The following HK1 variants were observed in gnomAD, a reference collection of about 807,000 sequenced individuals.
HK1 encodes the protein hexokinase-1.
Under a neutral mutation model 91.6 loss-of-function variants are expected in HK1, and 28 were observed. The observed-to-expected ratio is 0.31, with a 90% confidence interval of 0.23 to 0.42. The LOEUF is 0.42. HK1 is among the 10% of genes least tolerant of loss of function. The pLI is 1.00. For synonymous variants in HK1, 430 were observed against 468.1 expected (o/e 0.92, Z 1.05); for missense variants, 770 against 1,219.8 (o/e 0.63, Z 5.49).
chr10:69,397,609 C>T (rs1199957452), intron 16 of HK1, among the ~76,000 whole-genome samples: 2 of 152,208 alleles, frequency 1.3e-5, no homozygotes, highest in African/African-American at 4.8e-5. Context: ...TTCTCCCAGC[C>T]TCAGTTGCCT....
chr10:69,284,533 G>C (rs1243216998), intron 2 of HK1, among the ~76,000 whole-genome samples: 7 of 152,172 alleles, frequency 4.6e-5, no homozygotes, highest in South Asian at 2.1e-4. Flanking sequence ...AGCTGCTTAA[G>C]CCAAGTGGAG....
chr10:69,396,270 C>CAAAAAAAAATATAAAA (rs1840131859), intron 16 of HK1, among the ~76,000 whole-genome samples: 1 of 62,846 alleles, frequency 1.6e-5, no homozygotes. Flanking sequence ...GACTCTGTCT[C>CAAAAAAAAATATAAAA]AAAAAAAAAA....
In HK1 at chr10:69,271,537, C is replaced by T. The variant is rs564671526; in HGVS notation, c.-391+1429C>T. 3.4e-4 allele frequency among the ~76,000 whole-genome samples: 50 copies of T among 149,014 alleles called. No homozygotes were observed. In the East Asian group the frequency reaches 5.3e-3, roughly 16 times the overall value. On this transcript the variant is annotated intron_variant, in intron 1 of 21. Transcript: ENST00000360289. Reference sequence around the variant, plus strand: ...TGTTGCCCAGGCTGAAGTGCAGTGGCGCAATCTCGGCTCACCACAAGCTCT... The same window carrying T: ...TGTTGCCCAGGCTGAAGTGCAGTGGTGCAATCTCGGCTCACCACAAGCTCT...
Position 69,389,238 on chromosome 10 carries a change from G to A in HK1, c.1977G>A (p.Val659=). 6.2e-7 allele frequency: 1 copy of A among 1,614,030 alleles called. No individual in the cohort carries two copies. Among genetic ancestry groups the A allele is most frequent in the Non-Finnish European group, 8.5e-7 (1 of 1,179,936 alleles). Residue 659 remains valine, a synonymous_variant, in exon 14 of 18, where the codon GTG becomes GTA. Coordinates refer to ENST00000359426, the MANE Select transcript of HK1 (RefSeq NM_000188.3). ...TGGTGGCTGTGGTCAACGACACAGT[G>A]GGCACCATGATGACCTGTGCTTATG... ...LDVVAVVNDT[V]GTMMTCAYEE...
intron 2 of HK1, among the ~76,000 whole-genome samples, chr10:69,285,828 T>C (rs1845003663): frequency 6.6e-6 from 1 of 152,088 alleles, no homozygotes; most frequent in South Asian, 2.1e-4. Flanking sequence ...GACCAAACAC[T>C]CTCTAGACAA....
intron 1 of HK1, chr10:69,338,776 AGTGT>A: frequency 3.8e-6 from 4 of 1,049,552 alleles, no homozygotes; most frequent in South Asian, 1.5e-5. Flanking sequence ...TGTATGTGAG[AGTGT>A]GTGTGTGTAG....
At chr10:69,387,635 C>T (rs1030900897) in intron 13 of HK1, among the ~76,000 whole-genome samples, 1 of 152,134 alleles carries the variant, frequency 6.6e-6, no homozygotes, top group African/African-American at 2.4e-5. Context: ...CCTCCTGCCT[C>T]ACCCTCCCAA....
upstream of HK1, among the ~76,000 whole-genome samples, chr10:69,312,058 C>T (rs1846401448): frequency 6.6e-6 from 1 of 152,168 alleles, no homozygotes; most frequent in Admixed American, 6.5e-5. Flanking sequence ...GAACTTTTAC[C>T]TTCAAAGGGG....
intron 1 of HK1, among the ~76,000 whole-genome samples, chr10:69,281,718 GT>G (rs1425234142): frequency 2.0e-5 from 3 of 152,224 alleles, no homozygotes; most frequent in Non-Finnish European, 4.4e-5. Flanking sequence ...AAAAGGAAGG[GT>G]TTGGGTGGGG....
chr10:69,276,618 C>T (rs1031728547), intron 1 of HK1, among the ~76,000 whole-genome samples: 1 of 151,806 alleles, frequency 6.6e-6, no homozygotes, highest in African/African-American at 2.4e-5. Context: ...GAGATCGTGC[C>T]ACTGCCCTCC....
chr10:69,375,563 G>GC (rs1269814046), intron 7 of HK1, among the ~76,000 whole-genome samples: 1 of 152,080 alleles, frequency 6.6e-6, no homozygotes, highest in African/African-American at 2.4e-5. Context: ...GAGGCTCTGT[G>GC]CCCTGTGCTG....
intron 1 of HK1, among the ~76,000 whole-genome samples, chr10:69,321,245 C>CTCCA (rs529285505): frequency 1.6e-4 from 25 of 152,368 alleles, no homozygotes; most frequent in Non-Finnish European, 2.9e-4. Flanking sequence ...CGCCACCGCA[C>CTCCA]TCCAGCCTGG....
At chr10:69,313,484 C>T (rs1013245395), upstream of HK1, among the ~76,000 whole-genome samples, 9 of 152,094 alleles carry the variant, frequency 5.9e-5, no homozygotes, top group East Asian at 3.9e-4. Context: ...TTTTTTGAGA[C>T]GGAATTTCGC....
At chr10:69,343,308 T>C (rs1311691518) in intron 1 of HK1, among the ~76,000 whole-genome samples, 1 of 152,220 alleles carries the variant, frequency 6.6e-6, no homozygotes, top group Non-Finnish European at 1.5e-5. Context: ...TTGTGTCTCA[T>C]TTGAACTTGT....
chr10:69,375,963 G>A (rs1194725740), intron 7 of HK1, among the ~76,000 whole-genome samples: 1 of 152,182 alleles, frequency 6.6e-6, no homozygotes, highest in Non-Finnish European at 1.5e-5. Context: ...TGAGCTGATT[G>A]GCTGTCAGTA....
chr10:69,371,532 G>A (rs1850005862), intron 7 of HK1, among the ~76,000 whole-genome samples: 1 of 152,182 alleles, frequency 6.6e-6, no homozygotes, highest in South Asian at 2.1e-4. Context: ...TGACCCCAAA[G>A]GGTTTCAGAT....
At position 69,361,236 on chromosome 10, in the gene HK1, A is replaced by G. The variant is rs530292667; in HGVS notation, c.375+1191A>G. 2.0e-5 allele frequency among the ~76,000 whole-genome samples: 3 copies of G among 152,304 alleles called. No individual in the cohort carries two copies. In the East Asian group the frequency reaches 5.8e-4, roughly 29 times the overall value. ...TAGAGCAGGTGAGCCACTTTATAGT[A>G]GGCCACCAAAGCTGGGTGCATCACT... On this transcript the variant is annotated intron_variant, in intron 3 of 17. Transcript: ENST00000359426.
At chr10:69,322,989 T>C (rs1437627442) in intron 1 of HK1, among the ~76,000 whole-genome samples, 1 of 151,788 alleles carries the variant, frequency 6.6e-6, no homozygotes, top group Non-Finnish European at 1.5e-5. Context: ...GGCTCATGCC[T>C]GTAATCCCAG....
chr10:69,338,882 G>C (rs915748631), intron 1 of HK1, among the ~76,000 whole-genome samples: 5 of 152,230 alleles, frequency 3.3e-5, no homozygotes, highest in Admixed American at 3.3e-4. Flanking sequence ...TGAAAGGCCA[G>C]ACTTTGGCCA....
Sources: gnomAD v4.1 joint callset for allele counts (sites outside exome capture counted in the v4.1 genomes callset) on GRCh38, gnomAD v4.1.1 for gene constraint, MANE v1.5 for transcripts, NCBI Gene and HGNC (gene_info 2026-07-23, HGNC 2026-07-21) for gene names.